THSD4: variants seen among roughly 807,000 people sequenced by gnomAD.
The protein encoded by THSD4 is thrombospondin type-1 domain-containing protein 4.
THSD4 carries 69 observed loss-of-function variants against 119.0 expected under a neutral mutation model. That is an observed-to-expected ratio of 0.58 (90% CI 0.48 to 0.71). The LOEUF (loss-of-function observed/expected upper bound fraction) is 0.71, where lower values mean the gene tolerates loss of function less well. Ranked by LOEUF, THSD4 falls within the 30% of genes least tolerant of loss-of-function variation. The pLI is 0.00. For missense variants in THSD4, 1,393 were observed against 1,391.1 expected (o/e 1.00, Z -0.02); for synonymous variants, 524 against 540.4 (o/e 0.97, Z 0.42).
intron 7 of THSD4, among the ~76,000 whole-genome samples, chr15:71,471,113 G>A (rs1351054043): frequency 6.6e-6 from 1 of 152,190 alleles, no homozygotes; most frequent in East Asian, 1.9e-4. Flanking sequence ...GTCGGTTCCT[G>A]CACATTCCTG....
At chr15:71,381,769 T>G (rs2046232201) in intron 6 of THSD4, among the ~76,000 whole-genome samples, 1 of 152,226 alleles carries the variant, frequency 6.6e-6, no homozygotes, top group South Asian at 2.1e-4. Flanking sequence ...TATTAGATTT[T>G]TAGTAATCCC....
At chr15:71,266,181 G>A (rs1419469670) in intron 6 of THSD4, among the ~76,000 whole-genome samples, 1 of 152,204 alleles carries the variant, frequency 6.6e-6, no homozygotes, top group Non-Finnish European at 1.5e-5. Context: ...CTCTCAGCAG[G>A]GGTTGACAGA....
chr15:71,675,743 G>A (rs1015967751), intron 8 of THSD4, among the ~76,000 whole-genome samples: 18 of 152,212 alleles, frequency 1.2e-4, no homozygotes, highest in Admixed American at 1.2e-3. Flanking sequence ...GGACCTGCCT[G>A]TGGTAAACAA....
At chr15:71,444,955 G>T (rs893524261) in intron 7 of THSD4, among the ~76,000 whole-genome samples, 3 of 152,118 alleles carry the variant, frequency 2.0e-5, no homozygotes, top group Non-Finnish European at 4.4e-5. Flanking sequence ...AAATTCCTTA[G>T]CATGGCATTC....
chr15:71,243,905 C>T (rs1368836982), intron 5 of THSD4, among the ~76,000 whole-genome samples: 1 of 151,506 alleles, frequency 6.6e-6, no homozygotes, highest in East Asian at 2.0e-4. Context: ...CTGCCTCAGC[C>T]TCCCGAGTAG....
chr15:71,338,029 G>T (rs896788498), intron 6 of THSD4, among the ~76,000 whole-genome samples: 4 of 152,154 alleles, frequency 2.6e-5, no homozygotes, highest in African/African-American at 9.7e-5. Flanking sequence ...AAAGAATTGT[G>T]CTCATATTTT....
intron 6 of THSD4, among the ~76,000 whole-genome samples, chr15:71,289,190 G>C (rs557681718): frequency 6.6e-6 from 1 of 152,214 alleles, no homozygotes; most frequent in South Asian, 2.1e-4. Flanking sequence ...CTGCCACCCT[G>C]GGGCTCCCTG....
chr15:71,645,299 A>C (rs2050946756), intron 7 of THSD4, among the ~76,000 whole-genome samples: 1 of 152,196 alleles, frequency 6.6e-6, no homozygotes, highest in African/African-American at 2.4e-5. Flanking sequence ...GGAAACTTAC[A>C]ATTCTGGTAG....
intron 14 of THSD4, among the ~76,000 whole-genome samples, chr15:71,751,049 C>T (rs1317023982): frequency 6.6e-6 from 1 of 152,182 alleles, no homozygotes; most frequent in Non-Finnish European, 1.5e-5. Flanking sequence ...CAAGAGGTCT[C>T]CTTTTACAGT....
intron 6 of THSD4, among the ~76,000 whole-genome samples, chr15:71,319,481 CAGTG>C (rs2045238608): frequency 2.0e-5 from 3 of 148,878 alleles, no homozygotes; most frequent in Admixed American, 1.4e-4. Context: ...TCCCACCTGT[CAGTG>C]AGAACATGCG....
chr15:71,365,220 G>C (rs2045946287), intron 6 of THSD4, among the ~76,000 whole-genome samples: 2 of 151,426 alleles, frequency 1.3e-5, no homozygotes, highest in South Asian at 4.2e-4. Flanking sequence ...TGACCCATGT[G>C]ATTGGGTGTG....
chr15:71,532,455 C>T (rs2048628269), intron 7 of THSD4, among the ~76,000 whole-genome samples: 2 of 150,266 alleles, frequency 1.3e-5, no homozygotes, highest in South Asian at 4.2e-4. Flanking sequence ...GGATTACAGG[C>T]ACATGCTGCC....
chr15:71,314,160 A>G (rs914428546), intron 6 of THSD4, among the ~76,000 whole-genome samples: 2 of 152,082 alleles, frequency 1.3e-5, no homozygotes, highest in African/African-American at 4.8e-5. Flanking sequence ...TAAAGGTTTA[A>G]TAGTTACAGT....
chr15:71,544,795 T>C (rs1454484084), intron 7 of THSD4, among the ~76,000 whole-genome samples: 2 of 152,244 alleles, frequency 1.3e-5, no homozygotes. Flanking sequence ...CAAAATGTGG[T>C]ATATCCATAC....
At chr15:71,624,455 G>T (rs930749862) in intron 7 of THSD4, among the ~76,000 whole-genome samples, 1 of 152,194 alleles carries the variant, frequency 6.6e-6, no homozygotes, top group Non-Finnish European at 1.5e-5. Flanking sequence ...GTAGTTTTTG[G>T]TGGGGAGGAA....
At chr15:71,418,620 A>G (rs568583693) in intron 7 of THSD4, among the ~76,000 whole-genome samples, 2 of 109,348 alleles carry the variant, frequency 1.8e-5, no homozygotes, top group South Asian at 5.7e-4. Context: ...CTTGGTCCTG[A>G]TGAATGATAT....
rs750444893 is a variant in THSD4 at position 71,780,413 on chromosome 15, C to G, written c.*3039C>G. The G allele has an allele frequency of 5.0e-5, 9 of 179,604 alleles. No homozygotes were observed. Among genetic ancestry groups the G allele is most frequent in the Non-Finnish European group, 1.1e-4 (9 of 82,374 alleles). 11.1% of individuals were successfully genotyped at this position (179,604 alleles called of 1,614,324 possible). A position where few individuals can be genotyped will look rare whatever the true frequency, so the allele number is the denominator to read the frequency against. On this transcript the variant is annotated 3_prime_UTR_variant, in exon 18 of 18. Transcript: ENST00000261862. ...TCCATTGAAAAAGGAAATTGTGCCT[C>G]TTGCAGCCTAGGCAAAGGACATTTA...
At chr15:71,439,668 G>A (rs2047063649) in intron 7 of THSD4, among the ~76,000 whole-genome samples, 1 of 152,174 alleles carries the variant, frequency 6.6e-6, no homozygotes, top group Non-Finnish European at 1.5e-5. Flanking sequence ...ATACACTATG[G>A]AATACTATGC....
At chr15:71,344,101 C>T (rs1236815890) in intron 6 of THSD4, among the ~76,000 whole-genome samples, 6 of 145,418 alleles carry the variant, frequency 4.1e-5, no homozygotes, top group South Asian at 2.2e-4. Context: ...TGCAGTGGCG[C>T]GATCTCTGCT....
Sources: gnomAD v4.1 joint callset for allele counts (sites outside exome capture counted in the v4.1 genomes callset) on GRCh38, gnomAD v4.1.1 for gene constraint, MANE v1.5 for transcripts, NCBI Gene and HGNC (gene_info 2026-07-23, HGNC 2026-07-21) for gene names.